The following TRIP10 variants were observed in gnomAD, a reference collection of about 807,000 sequenced individuals.
TRIP10 encodes the protein thyroid hormone receptor interactor 10.
A neutral mutation model predicts 80.9 loss-of-function variants in TRIP10; 54 were observed. That is an observed-to-expected ratio of 0.67 (90% CI 0.54 to 0.84). The LOEUF is 0.84. Among genes scored for constraint, TRIP10 ranks in the 40% least tolerant of loss-of-function variants. The pLI is 0.00. For synonymous variants in TRIP10, 321 were observed against 307.2 expected, an observed-to-expected ratio of 1.04 and a Z score of -0.47; for missense variants, 773 against 815.3, an observed-to-expected ratio of 0.95 and a Z score of 0.63.
intron 14 of TRIP10, among the ~76,000 whole-genome samples, 200 bp downstream of exon 14, chr19:6,750,833 TG>T (rs1969275348): frequency 6.6e-6 from 1 of 151,990 alleles, no homozygotes; most frequent in South Asian, 2.1e-4. Flanking sequence ...CCATCTCTAC[TG>T]AAAGTACAAA....
At chr19:6,740,861 C>CA in intron 1 of TRIP10, 149 bp from the exon 2 acceptor site, 1 of 643,020 alleles carries the variant, frequency 1.6e-6, no homozygotes, top group Non-Finnish European at 2.6e-6. Context: ...CTGCCTCCCC[C>CA]CGCGCCACGC....
chr19:6,746,060 G>GT lies in TRIP10; in HGVS notation c.1016_1017insT (p.Val341ArgfsTer7). The GT allele has an allele frequency of 1.4e-6, 2 of 1,470,600 alleles. No homozygotes were observed. Among genetic ancestry groups the GT allele is most frequent in the African/African-American group, 1.5e-5 (1 of 68,738 alleles). 91.1% of individuals were successfully genotyped at this position (1,470,600 alleles called of 1,614,324 possible). On this transcript the variant is annotated frameshift_variant, in exon 10 of 15. Transcript: ENST00000313244. LOFTEE classifies it high-confidence loss of function. This position sits in a 1 kb window ranked among gnomAD's most constrained non-coding sequence, Gnocchi z 6.2. ...CCCCCACCCCTCTCCCCCCTGGGGG[G>GT]CCCCGTACCCTCGGCATTGCCTAAC...
chr19:6,750,148 G>A, intron 12 of TRIP10, 82 bp downstream of exon 12: 1 of 1,563,744 alleles, frequency 6.4e-7, no homozygotes, highest in Non-Finnish European at 8.7e-7. Context: ...TCGGGGACAG[G>A]GGAGGTGTTC....
intron 3 of TRIP10, among the ~76,000 whole-genome samples, chr19:6,741,769 T>A (rs1027044328): frequency 6.6e-6 from 1 of 152,188 alleles, no homozygotes; most frequent in African/African-American, 2.4e-5. Context: ...CAAGTTGTTT[T>A]GGTCACTTGT....
rs115161203 is a variant in TRIP10 at position 6,744,723 on chromosome 19, C to A, written c.789+23C>A. The A allele has an allele frequency of 1.1e-5, 17 of 1,592,314 alleles. No individual in the cohort carries two copies. The African/African-American group carries it at 2.1e-4, about 20-fold the overall frequency. ...AACGTGGGTGCCTGGTCTGGGTCCA[C>A]TGGGCTACGGGAAGGGCAGAGGGAG... On this transcript the variant is annotated intron_variant, in intron 8 of 14. Coordinates refer to ENST00000313244, the MANE Select transcript of TRIP10 (RefSeq NM_001288962.2). This position sits in a 1 kb window ranked among gnomAD's most constrained non-coding sequence, Gnocchi z 4.9.
chr19:6,742,968 T>G lies in TRIP10; in HGVS notation c.199T>G (p.Phe67Val). The change falls in exon 4 of 15, where the codon TTC (phenylalanine) becomes GTC (valine). Residue 67 changes from phenylalanine to valine, a missense_variant and splice_region_variant. Transcript: ENST00000313244. ...TCCCCGATTCTCATCCAACCCCAGA[T>G]TCAGCCAGCAACAGTCCTTCGTACA... ...RPAKDDPESK[F>V]SQQQSFVQIL... 1 of 1,613,984 alleles carries G rather than the reference T, an allele frequency of 6.2e-7. No homozygotes were observed. The highest frequency in any genetic ancestry group is 2.2e-5 in the East Asian group (1 of 44,872).
chr19:6,745,980 T>TGGGGGGGGGGGGGGGGGG lies in TRIP10; in HGVS notation c.985-48_985-47insGGGGGGGGGGGGGGGGGG. On this transcript the variant is annotated intron_variant, in intron 9 of 14. Coordinates refer to ENST00000313244, the MANE Select transcript of TRIP10 (RefSeq NM_001288962.2). This position sits in a 1 kb window ranked among gnomAD's most constrained non-coding sequence, Gnocchi z 7.2. ...CGTCCTCACTCTCTACATCCTCCTA[T>TGGGGGGGGGGGGGGGGGG]GCCCCCCCACCCCTTCAACCTATCC... The TGGGGGGGGGGGGGGGGGG allele has an allele frequency of 1.0e-6, 1 of 1,001,464 alleles. No individual in the cohort carries two copies. Among genetic ancestry groups the TGGGGGGGGGGGGGGGGGG allele is most frequent in the East Asian group, 3.9e-5 (1 of 25,934 alleles). 62.0% of individuals were successfully genotyped at this position (1,001,464 alleles called of 1,614,324 possible).
At chr19:6,741,568 TAA>T (rs911716210) in intron 3 of TRIP10, among the ~76,000 whole-genome samples, 1 of 152,206 alleles carries the variant, frequency 6.6e-6, no homozygotes. Context: ...GCAGATGACT[TAA>T]AGTTTTGCGC....
At position 6,751,051 on chromosome 19, in the gene TRIP10, C is replaced by T; in HGVS notation, c.1658-12C>T. 2.0e-6 allele frequency: 3 copies of T among 1,522,676 alleles called. No individual in the cohort carries two copies. The highest frequency in any genetic ancestry group is 2.6e-6 in the Non-Finnish European group (3 of 1,134,320). The allele number at this position is 1,522,676 out of a possible 1,614,324, so 94.3% of individuals were successfully genotyped here. On this transcript the variant is annotated splice_polypyrimidine_tract_variant and intron_variant, in intron 14 of 14. Coordinates refer to ENST00000313244, the MANE Select transcript of TRIP10 (RefSeq NM_001288962.2). The stretch of plus-strand genomic sequence containing the variant: ...TAAAGCAGATCTGGGCCCACCCCCA[C>T]CCCCATCACAGGGTCCAGCGAGGGC...
Position 6,750,559 on chromosome 19 carries a change from C to T in TRIP10, c.1583C>T (p.Thr528Met), listed in dbSNP as rs1391712950. ...SEESQDTPIYTEFDEDFEEEP... is the reference protein window; with the variant it reads ...SEESQDTPIYMEFDEDFEEEP... ...GAGAGCCAGGACACCCCCATTTACA[C>T]GGAGTTTGATGAGGATTTCGAGGAG... Residue 528 changes from threonine to methionine, a missense_variant, in exon 14 of 15, where the codon ACG becomes ATG. By Grantham distance (81) the Thr-to-Met change is moderately conservative (BLOSUM62 -1). Coordinates refer to ENST00000313244, the MANE Select transcript of TRIP10 (RefSeq NM_001288962.2). 1.2e-5 allele frequency: 19 copies of T among 1,614,094 alleles called. No homozygotes were observed. Among genetic ancestry groups the T allele is most frequent in the East Asian group, 6.7e-5 (3 of 44,904 alleles).
intron 1 of TRIP10, 183 bp from the exon 2 acceptor site, chr19:6,740,826 AG>A: frequency 1.8e-6 from 1 of 568,426 alleles, no homozygotes; most frequent in South Asian, 2.1e-5. Flanking sequence ...CTTCCCGGGA[AG>A]GGGAGGGGGT....
rs749524972 is a variant in TRIP10, at chr19:6,744,591, TGGGTGCC to T, written c.685_691del (p.Ala229MetfsTer14). On this transcript the variant is annotated frameshift_variant, in exon 8 of 15. Transcript: ENST00000313244. LOFTEE classifies it high-confidence loss of function. This position sits in a 1 kb window ranked among gnomAD's most constrained non-coding sequence, Gnocchi z 4.9. ...ATGGATGAACGCAGGGCCACCCGCC[TGGGTGCC>T]GGGTATGGGCTCCTGTCGGAGGCCG... The T allele has an allele frequency of 1.2e-6, 2 of 1,614,172 alleles. No homozygotes were observed. Among genetic ancestry groups the T allele is most frequent in the South Asian group, 2.2e-5 (2 of 91,084 alleles).
intron 14 of TRIP10, 33 bp downstream of exon 14, chr19:6,750,666 T>G: frequency 6.2e-7 from 1 of 1,611,226 alleles, no homozygotes; most frequent in South Asian, 1.1e-5. Context: ...TGGCGGGGTA[T>G]GGGAGGCAGT....
chr19:6,743,469 C>A, intron 5 of TRIP10, 25 bp from the exon 6 acceptor site: 1 of 1,609,516 alleles, frequency 6.2e-7, no homozygotes, highest in Non-Finnish European at 8.5e-7. Flanking sequence ...GTGGCTCCCT[C>A]ACTCCGGTTC....
intron 3 of TRIP10, among the ~76,000 whole-genome samples, chr19:6,741,697 G>A (rs906490715): frequency 6.6e-6 from 1 of 152,074 alleles, no homozygotes; most frequent in East Asian, 1.9e-4. Flanking sequence ...ATCAAACGCC[G>A]TAAGGAGCAT....
At position 6,745,762 on chromosome 19, in the gene TRIP10, C is replaced by A; in HGVS notation, c.985-267C>A. The A allele has an allele frequency of 1.0e-6, 1 of 985,256 alleles. No homozygotes were observed. Among genetic ancestry groups the A allele is most frequent in the Non-Finnish European group, 1.2e-6 (1 of 829,906 alleles). 61.0% of individuals were successfully genotyped at this position (985,256 alleles called of 1,614,324 possible). A position where few individuals can be genotyped will look rare whatever the true frequency, so the allele number is the denominator to read the frequency against. ...CCGGGGGAGTGAGAGTTCTGGCTTT[C>A]GGGCTTACAGTTCAACATCCTCCCC... On this transcript the variant is annotated intron_variant, in intron 9 of 14. Transcript: ENST00000313244. The surrounding 1 kb of genome is among the most constrained non-coding windows in gnomAD (Gnocchi z 7.2).
At position 6,744,071 on chromosome 19, in the gene TRIP10, G is replaced by A. The variant is rs546157069; in HGVS notation, c.642+235G>A. On this transcript the variant is annotated intron_variant, in intron 7 of 14. Transcript: ENST00000313244. This position sits in a 1 kb window ranked among gnomAD's most constrained non-coding sequence, Gnocchi z 4.9. Reference sequence around the variant, plus strand: ...GAGATGGGGCCTGGCTCTGTCACCCGGGCAGGAGTGCAGTGGCATAATCAC... The same window carrying A: ...GAGATGGGGCCTGGCTCTGTCACCCAGGCAGGAGTGCAGTGGCATAATCAC... 4.7e-4 allele frequency among the ~76,000 whole-genome samples: 72 copies of A among 151,984 alleles called. No individual in the cohort carries two copies. The highest frequency in any genetic ancestry group is 4.0e-3 in the Admixed American group (61 of 15,272).
chr19:6,741,103 C>G lies in TRIP10; in HGVS notation c.118C>G (p.Gln40Glu), dbSNP rs1724943503. The G allele has an allele frequency of 6.2e-7, 1 of 1,614,120 alleles. No homozygotes were observed. The highest frequency in any genetic ancestry group is 1.3e-5 in the African/African-American group (1 of 74,954). ...KFVKERTEVEQAYAKQLRSLV... is the reference protein window; with the variant it reads ...KFVKERTEVEEAYAKQLRSLV... Reference sequence around the variant, plus strand: ...CGTGAAAGAACGCACCGAAGTGGAACAGGCTTACGCCAAACAACTGCGGTG... The same window carrying G: ...CGTGAAAGAACGCACCGAAGTGGAAGAGGCTTACGCCAAACAACTGCGGTG... Residue 40 changes from glutamine to glutamate, a missense_variant, in exon 2 of 15, where the codon CAG becomes GAG. Transcript: ENST00000313244.
rs1031162514 is a variant in TRIP10 at position 6,745,308 on chromosome 19, C to T, written c.984+314C>T. The T allele has an allele frequency of 1.1e-5, 4 of 380,398 alleles. No individual in the cohort carries two copies. Among genetic ancestry groups the T allele is most frequent in the African/African-American group, 2.1e-5 (1 of 47,640 alleles). 23.6% of individuals were successfully genotyped at this position (380,398 alleles called of 1,614,324 possible). ...CTGGTGACACCATCCCTGGGGACTC[C>T]CCGAGTTTCTCTCTCCATCCTGCTG... is the stretch of plus-strand genomic sequence containing the variant. On this transcript the variant is annotated intron_variant, in intron 9 of 14. Coordinates refer to ENST00000313244, the MANE Select transcript of TRIP10 (RefSeq NM_001288962.2). The surrounding 1 kb of genome is among the most constrained non-coding windows in gnomAD (Gnocchi z 7.2).
Sources: gnomAD v4.1 joint callset for allele counts (sites outside exome capture counted in the v4.1 genomes callset) on GRCh38, gnomAD v4.1.1 for gene constraint, Gnocchi (gnomAD v3.1) non-coding constraint, MANE v1.5 for transcripts, NCBI Gene and HGNC (gene_info 2026-07-23, HGNC 2026-07-21) for gene names.